Variants in SFTPD observed in about 807,000 individuals in gnomAD.
SFTPD encodes surfactant protein D.
In SFTPD, 18 loss-of-function variants were observed where a neutral mutation model predicts 34.6. The ratio of observed to expected loss-of-function variants is 0.52; its 90% CI spans 0.36 to 0.77. The LOEUF is 0.77. SFTPD is among the 30% of genes least tolerant of loss of function. SFTPD has a pLI of 0.00. For synonymous variants in SFTPD, 155 were observed against 180.9 expected (o/e 0.86, Z 1.15); for missense variants, 433 against 468.9 (o/e 0.92, Z 0.71).
At chr10:79,949,268 C>T (rs1262922283), upstream of SFTPD, among the ~76,000 whole-genome samples, 1 of 152,234 alleles carries the variant, frequency 6.6e-6, no homozygotes, top group South Asian at 2.1e-4. Flanking sequence ...ATTCACAATA[C>T]TATGCACATC....
At chr10:79,944,802 G>T (rs990402872) in intron 2 of SFTPD, among the ~76,000 whole-genome samples, 2 of 151,914 alleles carry the variant, frequency 1.3e-5, no homozygotes, top group Non-Finnish European at 2.9e-5. Flanking sequence ...ATACGTCGGG[G>T]ATGTCACCAG....
chr10:79,938,620 C>G (rs1417628173), intron 7 of SFTPD, among the ~76,000 whole-genome samples: 1 of 152,158 alleles, frequency 6.6e-6, no homozygotes, highest in Admixed American at 6.5e-5. Context: ...AACAATTTTT[C>G]CCAAGTTGAT....
At position 79,946,634 on chromosome 10, in the gene SFTPD, A is replaced by G; in HGVS notation, c.26T>C (p.Leu9Pro). The G allele has an allele frequency of 6.2e-7, 1 of 1,614,214 alleles. No individual in the cohort carries two copies. The highest frequency in any genetic ancestry group is 1.1e-5 in the South Asian group (1 of 91,082). ...GCCCAGGGGCTGTGTGAGCAGGACC[A>G]GTGCAGAGAGGAGGAAGAGCAGCAT... Reference protein sequence around the residue: MLLFLLSALVLLTQPLGYL... With the variant: MLLFLLSAPVLLTQPLGYL... Residue 9 changes from leucine (L) to proline (P), a missense_variant, in exon 2 of 8, where the codon CTG becomes CCG. Leu to Pro is a moderately conservative substitution (Grantham distance 98). Transcript: ENST00000372292.
chr10:79,978,886 TGAAAGAAA>T (rs376913506), intron 1 of SFTPD, among the ~76,000 whole-genome samples: 19 of 151,202 alleles, frequency 1.3e-4, no homozygotes, highest in African/African-American at 3.6e-4. Context: ...GGCACCCAAA[TGAAAGAAA>T]GAAAGAAAGA....
intron 1 of SFTPD, among the ~76,000 whole-genome samples, chr10:79,978,387 C>T (rs908725039): frequency 6.6e-6 from 1 of 152,166 alleles, no homozygotes. Flanking sequence ...TGCAGTGGCT[C>T]ATGCCTGTAA....
Position 79,942,004 on chromosome 10 carries a change from T to C in SFTPD, c.500A>G (p.Glu167Gly), listed in dbSNP as rs773524575. The C allele has an allele frequency of 6.2e-7, 1 of 1,614,032 alleles. No homozygotes were observed. Among genetic ancestry groups the C allele is most frequent in the Non-Finnish European group, 8.5e-7 (1 of 1,179,974 alleles). Reference protein sequence around the residue: ...GARGLAGPKGERGVPGERGVP... With the variant: ...GARGLAGPKGGRGVPGERGVP... ...TCCACGCTCACCAGGGACACCTCGC[T>C]CTCCCTTAGGGCCTGCGAGGCCTCT... The change falls in exon 5 of 8, where the codon GAG (glutamate) becomes GGG (glycine). Residue 167 changes from glutamate to glycine, a missense_variant. By Grantham distance (98) the Glu-to-Gly change is moderately conservative. Transcript: ENST00000372292.
At chr10:79,955,780 T>C (rs1475175795) in intron 1 of SFTPD, among the ~76,000 whole-genome samples, 1 of 152,230 alleles carries the variant, frequency 6.6e-6, no homozygotes, top group Non-Finnish European at 1.5e-5. Flanking sequence ...TTTCTTTAAA[T>C]ATTAACACAA....
In SFTPD at chr10:79,942,761, A is replaced by T; in HGVS notation, c.316+2T>A. Reference sequence around the variant, plus strand: ...ACCTGAAGTCGACACCCAGTTGCTCACCACTTGGCCCAGTGTCTCCCTTTG... The same window carrying T: ...ACCTGAAGTCGACACCCAGTTGCTCTCCACTTGGCCCAGTGTCTCCCTTTG... On this transcript the variant is annotated splice_donor_variant, in intron 3 of 7. Transcript: ENST00000372292. LOFTEE classifies it high-confidence loss of function. 1.3e-6 allele frequency: 2 copies of T among 1,591,310 alleles called. No individual in the cohort carries two copies. The highest frequency in any genetic ancestry group is 1.1e-5 in the South Asian group (1 of 90,608).
At chr10:79,949,838 A>G (rs965901847), upstream of SFTPD, among the ~76,000 whole-genome samples, 3 of 143,336 alleles carry the variant, frequency 2.1e-5, no homozygotes, top group Non-Finnish European at 3.0e-5. Flanking sequence ...CTTTTATCCA[A>G]TCTTTTAGTC....
At chr10:79,963,348 TAA>T (rs61707427) in intron 1 of SFTPD, among the ~76,000 whole-genome samples, 19,330 of 139,128 alleles carry the variant, frequency 0.14, 1,636 homozygotes, top group East Asian at 0.42. Flanking sequence ...CCGTGTCTCT[TAA>T]AAAAAAAAAA....
intron 1 of SFTPD, chr10:79,971,336 C>T (rs1393492554): frequency 1.3e-5 from 2 of 151,960 alleles, no homozygotes; most frequent in East Asian, 1.9e-4. Context: ...TTGTTGTGCC[C>T]TTTTCATGTT....
intron 5 of SFTPD, among the ~76,000 whole-genome samples, chr10:79,941,742 T>C (rs532996623): frequency 6.6e-6 from 1 of 152,254 alleles, no homozygotes; most frequent in South Asian, 2.1e-4. Flanking sequence ...CTTCCCTGTA[T>C]ACAGACTTCT....
intron 1 of SFTPD, among the ~76,000 whole-genome samples, chr10:79,973,807 C>T (rs186162870): frequency 6.6e-6 from 1 of 152,236 alleles, no homozygotes; most frequent in African/African-American, 2.4e-5. Flanking sequence ...ACAAAGGTGC[C>T]AGTCTGGAAT....
intron 7 of SFTPD, among the ~76,000 whole-genome samples, chr10:79,939,553 A>T (rs17886630): frequency 0.17 from 25,400 of 152,204 alleles, 2,567 homozygotes; most frequent in Admixed American, 0.27. Flanking sequence ...ATATGAGCTC[A>T]TGTATGTAGA....
In SFTPD at chr10:79,941,353, C is replaced by T. The variant is rs535794713; in HGVS notation, c.667+45G>A. 5 of 1,545,702 alleles carry T rather than the reference C, an allele frequency of 3.2e-6. No individual in the cohort carries two copies. The African/African-American group carries it at 5.4e-5, about 17-fold the overall frequency. Reference sequence around the variant, plus strand: ...TGAGGAGGGCTTCCTCTCTGCCCACCCATGCCCCAGCGGGGCTTCCCTGGG... The same window carrying T: ...TGAGGAGGGCTTCCTCTCTGCCCACTCATGCCCCAGCGGGGCTTCCCTGGG... On this transcript the variant is annotated intron_variant, in intron 6 of 7. Coordinates refer to ENST00000372292, the MANE Select transcript of SFTPD (RefSeq NM_003019.5).
In SFTPD at chr10:79,941,944, C is replaced by T. The variant is rs539964681; in HGVS notation, c.550+10G>A. 1.2e-5 allele frequency: 19 copies of T among 1,575,818 alleles called. No individual in the cohort carries two copies. In the South Asian group the frequency reaches 1.7e-4, roughly 14 times the overall value. Reference sequence around the variant, plus strand: ...GGACCCAGCCCAGCCCAGCTCTTTCCACTGCTCACCTGCTGCCCCTGTGTT... The same window carrying T: ...GGACCCAGCCCAGCCCAGCTCTTTCTACTGCTCACCTGCTGCCCCTGTGTT... On this transcript the variant is annotated intron_variant, in intron 5 of 7. Coordinates refer to ENST00000372292, the MANE Select transcript of SFTPD (RefSeq NM_003019.5).
At chr10:79,943,486 C>T (rs1057254897) in intron 2 of SFTPD, among the ~76,000 whole-genome samples, 2 of 152,280 alleles carry the variant, frequency 1.3e-5, no homozygotes, top group East Asian at 3.9e-4. Context: ...CACTCACACA[C>T]TCAGAGCTTT....
chr10:79,955,474 A>C (rs1330462040), intron 1 of SFTPD, among the ~76,000 whole-genome samples: 2 of 152,184 alleles, frequency 1.3e-5, no homozygotes, highest in African/African-American at 4.8e-5. Flanking sequence ...ACAAACAAAG[A>C]AAACCCTGCC....
chr10:79,981,149 C>T (rs976329675), intron 1 of SFTPD, among the ~76,000 whole-genome samples: 4 of 151,964 alleles, frequency 2.6e-5, no homozygotes, highest in Non-Finnish European at 5.9e-5. Context: ...TTAAAAGAAT[C>T]GAGCAGAGAT....
Sources: gnomAD v4.1 joint callset for allele counts (sites outside exome capture counted in the v4.1 genomes callset) on GRCh38, gnomAD v4.1.1 for gene constraint, MANE v1.5 for transcripts, NCBI Gene and HGNC (gene_info 2026-07-23, HGNC 2026-07-21) for gene names.